The following PPL variants were observed in gnomAD, a reference collection of about 807,000 sequenced individuals.
The protein encoded by PPL is periplakin.
A neutral mutation model predicts 194.4 loss-of-function variants in PPL; 198 were observed. That is an observed-to-expected ratio of 1.02 (90% confidence interval 0.91 to 1.15). PPL has a LOEUF of 1.15. PPL is among the 50% of genes most tolerant of loss of function. PPL has a pLI of 0.00. For synonymous variants in PPL, 1,220 were observed against 972.4 expected (o/e 1.25, Z -4.74); for missense variants, 2,885 against 2,294.8 (o/e 1.26, Z -5.25).
chr16:4,911,038 G>C, intron 1 of PPL, 89 bp from the exon 2 acceptor site: 1 of 1,071,084 alleles, frequency 9.3e-7, no homozygotes, highest in Non-Finnish European at 1.4e-6. Context: ...GGCTGGCCCC[G>C]GCCCCACGCT....
rs751063333 is a variant in PPL at position 4,885,688 on chromosome 16, C to T, written c.2967G>A (p.Gly989=). The part of the protein sequence containing the change: ...RALEQETRDG[G]QEYVVKEVLR... Reference sequence around the variant, plus strand: ...GGACCTCCTTGACCACGTACTCCTGCCCCCCGTCTCTGGTCTCCTGCTCCA... The same window carrying T: ...GGACCTCCTTGACCACGTACTCCTGTCCCCCGTCTCTGGTCTCCTGCTCCA... The change falls in exon 22 of 22, where the codon GGG becomes GGA. Residue 989 remains glycine, a synonymous_variant. Coordinates refer to ENST00000345988, the MANE Select transcript of PPL (RefSeq NM_002705.5). This position sits in a 1 kb window ranked among gnomAD's most constrained non-coding sequence, Gnocchi z 6.3. 6 of 1,613,442 alleles carry T rather than the reference C, an allele frequency of 3.7e-6. No individual in the cohort carries two copies. Among genetic ancestry groups the T allele is most frequent in the South Asian group, 3.3e-5 (3 of 91,056 alleles).
At chr16:4,898,985 G>T in intron 8 of PPL, 28 bp downstream of exon 8, 2 of 1,596,226 alleles carry the variant, frequency 1.3e-6, no homozygotes, top group Non-Finnish European at 8.6e-7. Context: ...CACCCTGGGG[G>T]AGGTGTCTGG....
chr16:4,894,564 A>C lies in PPL; in HGVS notation c.1297T>G (p.Trp433Gly), dbSNP rs774871201. Reference sequence around the variant, plus strand: ...TTCCCAGCGCTGTCCATGAGCTCCCAGCTCTCCCCGTTGTTCTTCTGCAGG... The same window carrying C: ...TTCCCAGCGCTGTCCATGAGCTCCCCGCTCTCCCCGTTGTTCTTCTGCAGG... Reference protein sequence around the residue: ...YTLQKNNGESWELMDSAGNKL... With the variant: ...YTLQKNNGESGELMDSAGNKL... The change falls in exon 12 of 22, where the codon TGG (tryptophan) becomes GGG (glycine). Residue 433 changes from tryptophan (W) to glycine (G), a missense_variant. By Grantham distance (184) the Trp-to-Gly change is radical (BLOSUM62 -2). Transcript: ENST00000345988. The C allele has an allele frequency of 4.3e-6, 7 of 1,613,810 alleles. No homozygotes were observed. The highest frequency in any genetic ancestry group is 5.9e-6 in the Non-Finnish European group (7 of 1,179,986).
At chr16:4,934,710 C>T (rs1452415440) in intron 1 of PPL, among the ~76,000 whole-genome samples, 2 of 152,146 alleles carry the variant, frequency 1.3e-5, no homozygotes, top group Non-Finnish European at 2.9e-5. Flanking sequence ...CTGTGACCAG[C>T]GACCACAGCC....
At chr16:4,927,247 A>C (rs2089171222) in intron 1 of PPL, among the ~76,000 whole-genome samples, 1 of 152,246 alleles carries the variant, frequency 6.6e-6, no homozygotes, top group Non-Finnish European at 1.5e-5. Flanking sequence ...GAGAATAAAG[A>C]ATGGAGAGTG....
chr16:4,891,970 T>C, intron 15 of PPL, 21 bp from the exon 16 acceptor site: 2 of 1,611,298 alleles, frequency 1.2e-6, no homozygotes, highest in Non-Finnish European at 1.7e-6. Context: ...CAATCAGGCG[T>C]CGGGGGATGC....
chr16:4,918,468 C>T lies in PPL; in HGVS notation c.63-7519G>A, dbSNP rs140076720. 7.4e-3 allele frequency among the ~76,000 whole-genome samples: 1,130 copies of T among 152,126 alleles called. 16 individuals are homozygous for T. Among genetic ancestry groups the T allele is most frequent in the African/African-American group, 0.026 (1,069 of 41,474 alleles). On this transcript the variant is annotated intron_variant, in intron 1 of 21. Coordinates refer to ENST00000345988, the MANE Select transcript of PPL (RefSeq NM_002705.5). ...AGAGAGCTATTTGTCCTGCCCACTG[C>T]GAAGCAAGTCACATATATATTAGCT...
At chr16:4,887,995 T>C in intron 20 of PPL, 107 bp downstream of exon 20, 1 of 782,188 alleles carries the variant, frequency 1.3e-6, no homozygotes, top group Non-Finnish European at 2.2e-6. Flanking sequence ...GTGGCTTCCC[T>C]GTTGTGTGTG....
intron 10 of PPL, 81 bp downstream of exon 10, chr16:4,895,513 C>A: frequency 2.5e-6 from 4 of 1,608,068 alleles, no homozygotes; most frequent in South Asian, 1.1e-5. Flanking sequence ...TGTGGAGGGG[C>A]CTGTACAGGG....
chr16:4,900,972 C>A lies in PPL; in HGVS notation c.556G>T (p.Gly186Trp), dbSNP rs776337177. The change falls in exon 5 of 22, where the codon GGG becomes TGG. Residue 186 changes from glycine to tryptophan, a missense_variant. Transcript: ENST00000345988. Reference protein sequence around the residue: ...KAIGPHLAKDGDKEQNSELRA... With the variant: ...KAIGPHLAKDWDKEQNSELRA... The stretch of plus-strand genomic sequence containing the variant: ...ACCAGCACACGCCCCACCTTGTCCC[C>A]GTCCTTGGCCAGGTGGGGCCCGATG... 1.1e-5 allele frequency: 18 copies of A among 1,614,018 alleles called. No individual in the cohort carries two copies. The highest frequency in any genetic ancestry group is 1.4e-5 in the Non-Finnish European group (17 of 1,180,008).
rs140943968 is a variant in PPL, at chr16:4,927,579, C to A, written c.62+9405G>T. On this transcript the variant is annotated intron_variant, in intron 1 of 21. Coordinates refer to ENST00000345988, the MANE Select transcript of PPL (RefSeq NM_002705.5). ...GGAAGCCCTGTGAGAAAGCAGTACACAGAATGTGCCCAATGAATACCAGAT... is the reference window on the plus strand; with the variant it reads ...GGAAGCCCTGTGAGAAAGCAGTACAAAGAATGTGCCCAATGAATACCAGAT... Among the ~76,000 whole-genome samples the A allele has an allele frequency of 4.0e-4, 61 of 152,368 alleles. 1 individual carries two copies. The highest frequency in any genetic ancestry group is 1.5e-3 in the African/African-American group (61 of 41,582).
At chr16:4,917,989 A>AG (rs2088958951) in intron 1 of PPL, among the ~76,000 whole-genome samples, 1 of 150,622 alleles carries the variant, frequency 6.6e-6, no homozygotes, top group Admixed American at 6.6e-5. Context: ...GCTGCTACAA[A>AG]AAAAAAAAAC....
rs752036254 is a variant in PPL, at chr16:4,885,545, C to G, written c.3110G>C (p.Arg1037Pro). 1.9e-6 allele frequency: 3 copies of G among 1,610,446 alleles called. No individual in the cohort carries two copies. Among genetic ancestry groups the G allele is most frequent in the African/African-American group, 2.7e-5 (2 of 74,910 alleles). ...CTTCTCTTCAGCCAGGGCGGCCACA[C>G]GCTGCTGCAGGAGGAGCACCTCTGC... is the stretch of plus-strand genomic sequence containing the variant. ...REAEVLLLQQ[R>P]VAALAEEKSR... is the part of the protein sequence containing the mutation. The change falls in exon 22 of 22, where the codon CGT becomes CCT. Residue 1037 changes from arginine to proline, a missense_variant. Transcript: ENST00000345988. This position sits in a 1 kb window ranked among gnomAD's most constrained non-coding sequence, Gnocchi z 6.3.
rs752319701 is a variant in PPL at position 4,884,552 on chromosome 16, G to A, written c.4103C>T (p.Ala1368Val). Residue 1368 changes from alanine (A) to valine (V), a missense_variant, in exon 22 of 22, where the codon GCG becomes GTG. Physicochemically the swap from Ala to Val is moderately conservative, Grantham distance 64. Coordinates refer to ENST00000345988, the MANE Select transcript of PPL (RefSeq NM_002705.5). This position sits in a 1 kb window ranked among gnomAD's most constrained non-coding sequence, Gnocchi z 5.7. The stretch of plus-strand genomic sequence containing the variant: ...ATCGATGCTCTCGGCAAAGGCGCTC[G>A]CCTCGGCCCGCAGGCCTGGCTCCTC... ...YEEEPGLRAE[A>V]SAFAESIDVE... 1.3e-5 allele frequency: 21 copies of A among 1,613,374 alleles called. No individual in the cohort carries two copies. The highest frequency in any genetic ancestry group is 2.7e-5 in the African/African-American group (2 of 74,898).
rs779965189 is a variant in PPL at position 4,884,086 on chromosome 16, C to T, written c.4569G>A (p.Leu1523=). The T allele has an allele frequency of 1.2e-6, 2 of 1,613,056 alleles. No homozygotes were observed. Among genetic ancestry groups the T allele is most frequent in the East Asian group, 2.2e-5 (1 of 44,884 alleles). ...EQEIQRLKSS[L]EEESRSKREL... The stretch of plus-strand genomic sequence containing the variant: ...CGCGCTTGCTGCGGCTCTCCTCCTC[C>T]AGGCTGCTCTTGAGCCTCTGGATCT... The change falls in exon 22 of 22, where the codon CTG becomes CTA. Residue 1523 remains leucine (L), a synonymous_variant. Coordinates refer to ENST00000345988, the MANE Select transcript of PPL (RefSeq NM_002705.5). The surrounding 1 kb of genome is among the most constrained non-coding windows in gnomAD (Gnocchi z 5.7).
At chr16:4,887,536 T>C (rs557263529) in intron 20 of PPL, among the ~76,000 whole-genome samples, 1 of 152,342 alleles carries the variant, frequency 6.6e-6, no homozygotes, top group East Asian at 1.9e-4. Flanking sequence ...CTGTACTTAC[T>C]GAGGTGAGCA....
At chr16:4,930,577 G>C (rs2089213969) in intron 1 of PPL, among the ~76,000 whole-genome samples, 1 of 152,160 alleles carries the variant, frequency 6.6e-6, no homozygotes, top group East Asian at 1.9e-4. Context: ...ACCAGTGTCT[G>C]GGGGAAGGCA....
Position 4,884,480 on chromosome 16 carries a change from A to T in PPL, c.4175T>A (p.Leu1392Gln). Reference sequence around the variant, plus strand: ...CTCAAGCTCGGTGCGCCGGCGCTGCAGCCGCCGCAGCTCTGCCCGCAGCTT... The same window carrying T: ...CTCAAGCTCGGTGCGCCGGCGCTGCTGCCGCCGCAGCTCTGCCCGCAGCTT... The part of the protein sequence containing the change: ...IDKLRAELRR[L>Q]QRRRTELERQ... The change falls in exon 22 of 22, where the codon CTG becomes CAG. Residue 1392 changes from leucine to glutamine, a missense_variant. Transcript: ENST00000345988. This position sits in a 1 kb window ranked among gnomAD's most constrained non-coding sequence, Gnocchi z 5.7. The T allele has an allele frequency of 6.2e-7, 1 of 1,603,264 alleles. No individual in the cohort carries two copies.
In PPL at chr16:4,883,649, A is replaced by G. The variant is rs777450164; in HGVS notation, c.5006T>C (p.Leu1669Pro). The G allele has an allele frequency of 1.2e-6, 2 of 1,614,200 alleles. No individual in the cohort carries two copies. The highest frequency in any genetic ancestry group is 1.7e-6 in the Non-Finnish European group (2 of 1,180,026). Residue 1669 changes from leucine (L) to proline (P), a missense_variant, in exon 22 of 22, where the codon CTG (leucine) becomes CCG (proline). By Grantham distance (98) the Leu-to-Pro change is moderately conservative (BLOSUM62 -3). Transcript: ENST00000345988. This position sits in a 1 kb window ranked among gnomAD's most constrained non-coding sequence, Gnocchi z 4.8. ...VVIHPDTGRE[L>P]SPEEAHRAGL... is the part of the protein sequence containing the mutation. ...GGCACGGTGGGCTTCCTCCGGGGAC[A>G]GCTCGCGGCCTGTGTCAGGGTGGAT...
Sources: gnomAD v4.1 joint callset for allele counts (sites outside exome capture counted in the v4.1 genomes callset) on GRCh38, gnomAD v4.1.1 for gene constraint, Gnocchi (gnomAD v3.1) non-coding constraint, MANE v1.5 for transcripts, NCBI Gene and HGNC (gene_info 2026-07-23, HGNC 2026-07-21) for gene names.